Variants in C10orf67 observed in about 807,000 individuals in gnomAD.
C10orf67 encodes the protein uncharacterized protein C10orf67, mitochondrial.
In C10orf67, 60 loss-of-function variants were observed where a neutral mutation model predicts 35.6. The ratio of observed to expected loss-of-function variants is 1.68; its 90% CI spans 1.37 to 2.09. The LOEUF (loss-of-function observed/expected upper bound fraction) is 2.09. C10orf67 is among the 30% of genes most tolerant of loss of function. The pLI, the probability that C10orf67 is intolerant of heterozygous loss-of-function variation, is 0.00. For missense variants in C10orf67, 474 were observed against 330.2 expected (o/e 1.44, Z -3.38); for synonymous variants, 167 against 115.8 (o/e 1.44, Z -2.84).
intron 5 of C10orf67, among the ~76,000 whole-genome samples, chr10:23,292,138 C>T (rs188491224): frequency 9.9e-4 from 143 of 144,666 alleles, no homozygotes; most frequent in Admixed American, 9.0e-3. Context: ...GCAATAGACG[C>T]GCTTATTGGG....
intron 3 of C10orf67, 25 bp downstream of exon 3, chr10:23,322,369 A>C: frequency 6.2e-7 from 1 of 1,601,574 alleles, no homozygotes; most frequent in Non-Finnish European, 8.5e-7. Context: ...TCCACATAAA[A>C]CAAAAGAAAT....
At chr10:23,215,979 C>A (rs1336617373) in intron 15 of C10orf67, among the ~76,000 whole-genome samples, 3 of 152,096 alleles carry the variant, frequency 2.0e-5, no homozygotes, top group African/African-American at 7.2e-5. Flanking sequence ...CTATGACAAA[C>A]CTACAATAAA....
At chr10:23,261,158 G>A (rs1257405753) in intron 10 of C10orf67, among the ~76,000 whole-genome samples, 1 of 151,876 alleles carries the variant, frequency 6.6e-6, no homozygotes, top group Non-Finnish European at 1.5e-5. Flanking sequence ...TTCTTTTACA[G>A]ATTTGGAAGA....
At chr10:23,303,190 G>C in intron 5 of C10orf67, 114 bp downstream of exon 5, 1 of 404,086 alleles carries the variant, frequency 2.5e-6, no homozygotes, top group South Asian at 7.6e-5. Context: ...ATATTATGGG[G>C]AGATGCCCAA....
At chr10:23,219,049 A>C (rs935383552) in intron 15 of C10orf67, among the ~76,000 whole-genome samples, 1 of 152,248 alleles carries the variant, frequency 6.6e-6, no homozygotes, top group Admixed American at 6.5e-5. Flanking sequence ...TTATTTCTAT[A>C]AATCAGTGCA....
chr10:23,310,981 T>C (rs1461166792), intron 4 of C10orf67, among the ~76,000 whole-genome samples: 1 of 152,086 alleles, frequency 6.6e-6, no homozygotes, highest in East Asian at 1.9e-4. Flanking sequence ...TTTTTTTTTC[T>C]TTTTAGATAG....
chr10:23,344,441 C>T, intron 1 of C10orf67, 128 bp downstream of exon 1: 1 of 967,552 alleles, frequency 1.0e-6, no homozygotes, highest in Non-Finnish European at 1.5e-6. Context: ...CACAAGACTC[C>T]CACAGCCTGG....
intron 12 of C10orf67, among the ~76,000 whole-genome samples, chr10:23,247,054 A>C (rs990770696): frequency 6.6e-6 from 1 of 152,176 alleles, no homozygotes. Context: ...AGAGTCAAAA[A>C]GTTTTAAAAA....
At chr10:23,290,718 G>T (rs1451813565) in intron 6 of C10orf67, among the ~76,000 whole-genome samples, 2 of 152,146 alleles carry the variant, frequency 1.3e-5, no homozygotes, top group African/African-American at 2.4e-5. Context: ...TTCCTGAAGG[G>T]CTAACTCTGT....
At chr10:23,280,093 G>T (rs1843327132) in intron 8 of C10orf67, among the ~76,000 whole-genome samples, 1 of 152,096 alleles carries the variant, frequency 6.6e-6, no homozygotes, top group Non-Finnish European at 1.5e-5. Flanking sequence ...GGGCTCAAGT[G>T]ATCCTCCCAT....
chr10:23,278,825 A>G (rs911336633), intron 8 of C10orf67, among the ~76,000 whole-genome samples: 26 of 152,184 alleles, frequency 1.7e-4, no homozygotes, highest in African/African-American at 6.0e-4. Flanking sequence ...AAAGAGAGAA[A>G]TCTACCTGCT....
intron 15 of C10orf67, among the ~76,000 whole-genome samples, chr10:23,212,805 GAGAGA>G (rs1841343184): frequency 6.6e-6 from 1 of 151,640 alleles, no homozygotes; most frequent in Admixed American, 6.6e-5. Flanking sequence ...GAGAGAGAGA[GAGAGA>G]GAGAGAGAGA....
In C10orf67 at chr10:23,277,697, GTGT is replaced by G. The variant is rs545580752; in HGVS notation, c.975+4313_975+4315del. Reference sequence around the variant, plus strand: ...TTTATGTCAGCATGTAAAGAGTTTAGTGTTGTTATTTTCAAGTCATTTAATAAA... The same window carrying G: ...TTTATGTCAGCATGTAAAGAGTTTAGTGTTATTTTCAAGTCATTTAATAAA... On this transcript the variant is annotated intron_variant, in intron 8 of 15. Coordinates refer to ENST00000636213, the MANE Select transcript of C10orf67 (RefSeq NM_001371909.1). Among the ~76,000 whole-genome samples the G allele has an allele frequency of 1.2e-3, 177 of 152,244 alleles. 1 individual carries two copies. The highest frequency in any genetic ancestry group is 4.1e-3 in the African/African-American group (169 of 41,546).
intron 12 of C10orf67, among the ~76,000 whole-genome samples, chr10:23,243,954 T>C (rs75543078): frequency 0.032 from 4,890 of 152,248 alleles, 250 homozygotes; most frequent in African/African-American, 0.11. Flanking sequence ...TGCAGTGGCA[T>C]GAACAGGGCT....
At chr10:23,266,690 C>G (rs1458039652) in intron 9 of C10orf67, among the ~76,000 whole-genome samples, 3 of 151,994 alleles carry the variant, frequency 2.0e-5, no homozygotes, top group Non-Finnish European at 4.4e-5. Flanking sequence ...TTTGGAAGCC[C>G]CTGGAATGGT....
At chr10:23,202,403 G>A (rs994470629), downstream of C10orf67, 1 of 151,672 alleles carries the variant, frequency 6.6e-6, no homozygotes, top group Admixed American at 6.6e-5. Flanking sequence ...AGCCCTTTCT[G>A]GCATTAATTA....
rs548103297 is a variant in C10orf67 at position 23,250,524 on chromosome 10, TA to T, written c.1281-5del. 5.2e-4 allele frequency: 207 copies of T among 398,602 alleles called. 1 individual carries two copies. Among genetic ancestry groups the T allele is most frequent in the African/African-American group, 3.7e-3 (180 of 48,732 alleles). The allele number at this position is 398,602 out of a possible 1,614,324, so 24.7% of individuals were successfully genotyped here. A position where few individuals can be genotyped will look rare whatever the true frequency, so the allele number is the denominator to read the frequency against. ...TCGATCAGCTTCCTTCCTAAACCTA[TA>T]AAAAATTTACAGATGGTTAAATATT... On this transcript the variant is annotated splice_region_variant and splice_polypyrimidine_tract_variant and intron_variant, in intron 11 of 15. Transcript: ENST00000636213.
chr10:23,250,969 C>A lies in C10orf67; in HGVS notation c.1201-278G>T, dbSNP rs573617686. The stretch of plus-strand genomic sequence containing the variant: ...AACATTAGCAAGGCATAGTGGCATG[C>A]ACCTGTAGTCCCAGCTACTTGGGAG... On this transcript the variant is annotated intron_variant, in intron 10 of 15. Transcript: ENST00000636213. Among the ~76,000 whole-genome samples, 113 of 152,174 alleles carry A rather than the reference C, an allele frequency of 7.4e-4. 1 individual carries two copies. Among genetic ancestry groups the A allele is most frequent in the African/African-American group, 2.7e-3 (111 of 41,542 alleles).
At chr10:23,208,669 T>A (rs139120337) in intron 15 of C10orf67, among the ~76,000 whole-genome samples, 55 of 152,250 alleles carry the variant, frequency 3.6e-4, no homozygotes, top group Non-Finnish European at 6.8e-4. Flanking sequence ...AGTGAATGGA[T>A]TAACAAAGAG....
Sources: allele counts gnomAD v4.1 joint callset (sites outside exome capture counted in the v4.1 genomes callset), GRCh38; gene constraint gnomAD v4.1.1; transcripts MANE v1.5; gene names NCBI Gene and HGNC (gene_info 2026-07-23, HGNC 2026-07-21).